FHOD3: variants seen among roughly 807,000 people sequenced by gnomAD.
FHOD3 encodes the protein formin homology 2 domain containing 3, also known as FH1/FH2 domain-containing protein 3.
Under a neutral mutation model 173.0 loss-of-function variants are expected in FHOD3, and 90 were observed. The ratio of observed to expected loss-of-function variants is 0.52; its 90% CI spans 0.44 to 0.62. The LOEUF is 0.62. Ranked by LOEUF, FHOD3 falls within the 20% of genes least tolerant of loss-of-function variation. The pLI, the probability that FHOD3 is intolerant of heterozygous loss-of-function variation, is 0.00. For synonymous variants in FHOD3, 828 were observed against 823.0 expected (o/e 1.01, Z -0.10); for missense variants, 1,945 against 2,034.7 (o/e 0.96, Z 0.85).
At chr18:36,601,308 C>T (rs1318889730) in intron 7 of FHOD3, among the ~76,000 whole-genome samples, 1 of 152,210 alleles carries the variant, frequency 6.6e-6, no homozygotes, top group East Asian at 1.9e-4. Context: ...TATTGAGCTA[C>T]ATTTGTGCCT....
intron 1 of FHOD3, among the ~76,000 whole-genome samples, chr18:36,352,799 C>CA (rs1000545510): frequency 1.3e-5 from 2 of 152,190 alleles, no homozygotes; most frequent in Non-Finnish European, 2.9e-5. Flanking sequence ...TAAAAATAGG[C>CA]AAAGTGTTGA....
At chr18:36,462,400 C>T (rs771396279) in intron 3 of FHOD3, among the ~76,000 whole-genome samples, 6 of 151,664 alleles carry the variant, frequency 4.0e-5, no homozygotes, top group East Asian at 1.9e-4. Context: ...GGTGCTATCT[C>T]GGCTCACTGC....
At chr18:36,390,127 A>C (rs1057301075) in intron 3 of FHOD3, among the ~76,000 whole-genome samples, 7 of 152,188 alleles carry the variant, frequency 4.6e-5, no homozygotes, top group African/African-American at 1.7e-4. Context: ...TCCGGCATTG[A>C]GGCTTTGGGT....
At chr18:36,553,946 C>T (rs568929447) in intron 5 of FHOD3, among the ~76,000 whole-genome samples, 4 of 152,164 alleles carry the variant, frequency 2.6e-5, no homozygotes, top group African/African-American at 9.7e-5. Flanking sequence ...GATACCATCT[C>T]ACACCAGTTA....
chr18:36,500,222 C>G (rs1169061120), intron 3 of FHOD3, among the ~76,000 whole-genome samples: 2 of 152,278 alleles, frequency 1.3e-5, no homozygotes, highest in East Asian at 3.9e-4. Flanking sequence ...CACAGGAGCC[C>G]TCTGTTCTTT....
intron 3 of FHOD3, among the ~76,000 whole-genome samples, chr18:36,425,987 G>A (rs1214073978): frequency 6.6e-6 from 1 of 150,738 alleles, no homozygotes; most frequent in East Asian, 2.0e-4. Flanking sequence ...TGCAAGCTCT[G>A]CCTCCCGGGT....
At chr18:36,541,241 C>G (rs1226508243) in intron 5 of FHOD3, among the ~76,000 whole-genome samples, 2 of 111,704 alleles carry the variant, frequency 1.8e-5, no homozygotes, top group Non-Finnish European at 3.5e-5. Context: ...CAGAGCGAGA[C>G]TCTGTCTCAA....
intron 3 of FHOD3, among the ~76,000 whole-genome samples, chr18:36,500,694 A>C (rs2054986699): frequency 1.3e-5 from 2 of 152,218 alleles, no homozygotes; most frequent in Admixed American, 1.3e-4. Flanking sequence ...TCACATAGCT[A>C]GTAAATGGTG....
At chr18:36,755,597 GT>G (rs763799814) in intron 25 of FHOD3, among the ~76,000 whole-genome samples, 5 of 152,040 alleles carry the variant, frequency 3.3e-5, no homozygotes, top group Non-Finnish European at 7.4e-5. Context: ...GACATTAAAT[GT>G]TTGATTCTAT....
chr18:36,506,723 C>G (rs959608785), intron 4 of FHOD3, among the ~76,000 whole-genome samples: 2 of 151,992 alleles, frequency 1.3e-5, no homozygotes, highest in Non-Finnish European at 2.9e-5. Context: ...GATGACATGG[C>G]GAAAATATGT....
chr18:36,476,357 C>A (rs759249569), intron 3 of FHOD3, among the ~76,000 whole-genome samples: 1 of 152,216 alleles, frequency 6.6e-6, no homozygotes, highest in Non-Finnish European at 1.5e-5. Context: ...TCTCTTTATT[C>A]TACCAACTTA....
chr18:36,759,358 C>T (rs914072299), intron 26 of FHOD3, among the ~76,000 whole-genome samples: 18 of 152,124 alleles, frequency 1.2e-4, no homozygotes, highest in African/African-American at 2.4e-4. Flanking sequence ...ATGCATTTTC[C>T]GAGCTGTCCC....
chr18:36,591,130 G>T (rs1026688240), intron 6 of FHOD3, among the ~76,000 whole-genome samples: 7 of 152,308 alleles, frequency 4.6e-5, no homozygotes, highest in African/African-American at 1.4e-4. Flanking sequence ...AGCACAACTC[G>T]TGATGCCATA....
chr18:36,509,148 A>G (rs1210272604), intron 4 of FHOD3, among the ~76,000 whole-genome samples: 6 of 152,196 alleles, frequency 3.9e-5, no homozygotes, highest in African/African-American at 1.2e-4. Context: ...TCAACACACA[A>G]ATTCCAACAG....
At chr18:36,318,247 T>TC (rs1200184261) in intron 1 of FHOD3, among the ~76,000 whole-genome samples, 1 of 152,016 alleles carries the variant, frequency 6.6e-6, no homozygotes, top group Non-Finnish European at 1.5e-5. Flanking sequence ...AGTAGTTTTT[T>TC]CCCAATTCTG....
intron 10 of FHOD3, among the ~76,000 whole-genome samples, chr18:36,638,689 A>G (rs2035064601): frequency 6.6e-6 from 1 of 152,178 alleles, no homozygotes; most frequent in Non-Finnish European, 1.5e-5. Context: ...TTCTGAAAGG[A>G]GGGCCTGAGC....
chr18:36,390,155 G>A (rs546385812), intron 3 of FHOD3, among the ~76,000 whole-genome samples: 103 of 152,250 alleles, frequency 6.8e-4, no homozygotes, highest in African/African-American at 2.4e-3. Flanking sequence ...CCCCAGTCCT[G>A]CTCTGTAGGT....
intron 3 of FHOD3, among the ~76,000 whole-genome samples, chr18:36,452,638 C>T (rs543123659): frequency 6.6e-6 from 1 of 152,112 alleles, no homozygotes; most frequent in Non-Finnish European, 1.5e-5. Context: ...CCATTCTGCT[C>T]TCTGCTTCTC....
chr18:36,541,511 C>T (rs4349224), intron 5 of FHOD3, among the ~76,000 whole-genome samples: 73,369 of 151,802 alleles, frequency 0.48, 17,838 homozygotes, highest in East Asian at 0.63. Context: ...CCTGGGCAAC[C>T]GAGCAAGACC....
Sources: allele counts gnomAD v4.1 joint callset (sites outside exome capture counted in the v4.1 genomes callset), GRCh38; gene constraint gnomAD v4.1.1; transcripts MANE v1.5; gene names NCBI Gene and HGNC (gene_info 2026-07-23, HGNC 2026-07-21).